The following FRMD4B variants were observed in gnomAD, a reference collection of about 807,000 sequenced individuals.
FRMD4B encodes FERM domain containing 4B.
In FRMD4B, 74 loss-of-function variants were observed where a neutral mutation model predicts 141.5. The ratio of observed to expected loss-of-function variants is 0.52; its 90% CI spans 0.43 to 0.63. FRMD4B has a LOEUF of 0.63. Among genes scored for constraint, FRMD4B ranks in the 30% least tolerant of loss-of-function variants. FRMD4B has a pLI of 0.00. For missense variants in FRMD4B, 1,366 were observed against 1,253.4 expected, an observed-to-expected ratio of 1.09 and a Z score of -1.36; for synonymous variants, 506 against 467.9, an observed-to-expected ratio of 1.08 and a Z score of -1.05.
At chr3:69,411,343 A>G (rs1704756668) in intron 2 of FRMD4B, among the ~76,000 whole-genome samples, 1 of 152,206 alleles carries the variant, frequency 6.6e-6, no homozygotes, top group African/African-American at 2.4e-5. Flanking sequence ...ATTTACAAAT[A>G]TGACTCAACT....
intron 1 of FRMD4B, among the ~76,000 whole-genome samples, chr3:69,382,759 T>A (rs1704147885): frequency 6.7e-6 from 1 of 148,430 alleles, no homozygotes; most frequent in Non-Finnish European, 1.5e-5. Flanking sequence ...AGTTGGAGGA[T>A]ATGAGAAATT....
chr3:69,329,480 G>T (rs1702294681), intron 1 of FRMD4B, among the ~76,000 whole-genome samples: 1 of 148,238 alleles, frequency 6.7e-6, no homozygotes, highest in Admixed American at 6.8e-5. Flanking sequence ...CTCCCAAGTA[G>T]CTGGGACTAC....
intron 7 of FRMD4B, among the ~76,000 whole-genome samples, chr3:69,240,807 G>A (rs992217708): frequency 2.0e-5 from 3 of 152,154 alleles, no homozygotes; most frequent in Admixed American, 1.3e-4. Context: ...AAAAGGCCTG[G>A]AAATGCTTAT....
intron 2 of FRMD4B, among the ~76,000 whole-genome samples, chr3:69,391,260 T>G (rs897323553): frequency 2.0e-5 from 3 of 151,882 alleles, no homozygotes; most frequent in Admixed American, 1.3e-4. Context: ...TTTTTTTTAT[T>G]ATTATACTTT....
chr3:69,229,564 T>C (rs1005619969), intron 7 of FRMD4B, among the ~76,000 whole-genome samples: 1 of 152,176 alleles, frequency 6.6e-6, no homozygotes, highest in African/African-American at 2.4e-5. Context: ...GCCAGCAGAA[T>C]AATCGAAAGA....
intron 1 of FRMD4B, among the ~76,000 whole-genome samples, chr3:69,349,534 G>T (rs1703062735): frequency 1.3e-5 from 2 of 152,156 alleles, no homozygotes; most frequent in South Asian, 4.1e-4. Flanking sequence ...TAAGCCAAAA[G>T]AACGAAACTG....
At chr3:69,481,064 A>G (rs1706114567) in intron 1 of FRMD4B, among the ~76,000 whole-genome samples, 1 of 152,188 alleles carries the variant, frequency 6.6e-6, no homozygotes. Context: ...CCCGTCGGAA[A>G]AGCCCAGTGT....
chr3:69,262,600 C>T (rs929495013), intron 5 of FRMD4B, among the ~76,000 whole-genome samples: 2 of 149,336 alleles, frequency 1.3e-5, no homozygotes, highest in Admixed American at 6.8e-5. Flanking sequence ...GCTGGGATTA[C>T]AGGCATGTGC....
intron 1 of FRMD4B, among the ~76,000 whole-genome samples, chr3:69,356,726 G>A (rs1367877572): frequency 1.3e-5 from 2 of 151,598 alleles, no homozygotes; most frequent in Non-Finnish European, 2.9e-5. Flanking sequence ...ATAGGGATCA[G>A]AGAAGAAGTA....
upstream of FRMD4B, among the ~76,000 whole-genome samples, chr3:69,387,901 G>C (rs949889269): frequency 2.0e-5 from 3 of 151,858 alleles, no homozygotes; most frequent in Non-Finnish European, 4.4e-5. Flanking sequence ...TCTTCTCTAT[G>C]TGCCATCAGT....
Position 69,346,634 on chromosome 3 carries a change from C to T in FRMD4B, c.163-33117G>A, listed in dbSNP as rs188244883. Among the ~76,000 whole-genome samples the T allele has an allele frequency of 2.7e-3, 408 of 152,234 alleles. 5 individuals are homozygous for T. The East Asian group carries it at 0.034, about 13-fold the overall frequency. On this transcript the variant is annotated intron_variant, in intron 1 of 22. Transcript: ENST00000398540. Reference sequence around the variant, plus strand: ...CCCATCAGACTAATAGGGGATCTCTCGGCAGAAACTCTACAAGCCAGAAGA... The same window carrying T: ...CCCATCAGACTAATAGGGGATCTCTTGGCAGAAACTCTACAAGCCAGAAGA...
intron 7 of FRMD4B, among the ~76,000 whole-genome samples, chr3:69,242,506 TTTTTTTTTTTTTTTTTTG>T (rs2093392761): frequency 8.3e-6 from 1 of 120,168 alleles, no homozygotes; most frequent in Non-Finnish European, 1.7e-5. Flanking sequence ...TTTTTTTTTT[TTTTTTTTTTTTTTTTTTG>T]TAGCACAGCT....
chr3:69,311,446 C>T (rs1575718790), intron 2 of FRMD4B, 89 bp from the exon 3 acceptor site: 1 of 639,912 alleles, frequency 1.6e-6, no homozygotes, highest in Non-Finnish European at 2.8e-6. Context: ...TTTAAAGTAG[C>T]TTTTGTTTAT....
chr3:69,188,236 C>A (rs1286957615), intron 18 of FRMD4B, among the ~76,000 whole-genome samples: 2 of 152,110 alleles, frequency 1.3e-5, no homozygotes, highest in East Asian at 1.9e-4. Flanking sequence ...TTAAAGAAAA[C>A]CCCCAGTGTG....
intron 1 of FRMD4B, among the ~76,000 whole-genome samples, chr3:69,537,087 G>GT (rs1423032751): frequency 2.0e-5 from 3 of 152,194 alleles, no homozygotes; most frequent in Non-Finnish European, 4.4e-5. Context: ...TTAAATAGAT[G>GT]CCTAGTCACG....
intron 1 of FRMD4B, among the ~76,000 whole-genome samples, chr3:69,521,309 T>C (rs1356615690): frequency 1.3e-5 from 2 of 152,216 alleles, no homozygotes; most frequent in African/African-American, 4.8e-5. Flanking sequence ...CAGTCTCTTC[T>C]ATTGGTCTTT....
At chr3:69,177,721 C>T (rs143086578) in intron 21 of FRMD4B, among the ~76,000 whole-genome samples, 422 of 152,264 alleles carry the variant, frequency 2.8e-3, no homozygotes, top group Admixed American at 3.6e-3. Context: ...AAACAATTCT[C>T]ATATATTGCG....
At chr3:69,279,196 A>T (rs1398911081) in intron 5 of FRMD4B, among the ~76,000 whole-genome samples, 1 of 152,198 alleles carries the variant, frequency 6.6e-6, no homozygotes, top group Non-Finnish European at 1.5e-5. Flanking sequence ...TGCAGCACTC[A>T]TCACAGACCC....
At chr3:69,446,373 T>C (rs1277013265) in intron 1 of FRMD4B, among the ~76,000 whole-genome samples, 1 of 140,912 alleles carries the variant, frequency 7.1e-6, no homozygotes, top group Non-Finnish European at 1.6e-5. Flanking sequence ...CAATCTGTCA[T>C]CCTGGCTGGA....
Sources: gnomAD v4.1 joint callset for allele counts (sites outside exome capture counted in the v4.1 genomes callset) on GRCh38, gnomAD v4.1.1 for gene constraint, MANE v1.5 for transcripts, NCBI Gene and HGNC (gene_info 2026-07-23, HGNC 2026-07-21) for gene names.